The following GOLGB1 variants were observed in gnomAD, a reference collection of about 807,000 sequenced individuals.
GOLGB1 encodes the protein golgin B1.
GOLGB1 carries 174 observed loss-of-function variants against 336.9 expected under a neutral mutation model. The ratio of observed to expected loss-of-function variants is 0.52; its 90% CI spans 0.46 to 0.59. The LOEUF is 0.59. GOLGB1 is among the 20% of genes least tolerant of loss of function. GOLGB1 has a pLI of 0.00. For synonymous variants in GOLGB1, 1,208 were observed against 1,289.2 expected (o/e 0.94, Z 1.35); for missense variants, 3,331 against 3,645.3 (o/e 0.91, Z 2.22).
Position 121,694,439 on chromosome 3 carries a change from C to G in GOLGB1, c.6084G>C (p.Gln2028His). The G allele has an allele frequency of 6.2e-7, 1 of 1,613,400 alleles. No individual in the cohort carries two copies. ...LLKEKQQEVK[Q>H]LQKDCIRYQE... is the part of the protein sequence containing the mutation. ...GATACCTGATGCAGTCCTTCTGTAGCTGCTTTACTTCTTGTTGTTTTTCTT... is the reference window on the plus strand; with the variant it reads ...GATACCTGATGCAGTCCTTCTGTAGGTGCTTTACTTCTTGTTGTTTTTCTT... Residue 2028 changes from glutamine (Q) to histidine (H), a missense_variant, in exon 13 of 22, where the codon CAG (glutamine) becomes CAC (histidine). Transcript: ENST00000614479.
At chr3:121,679,980 T>C (rs1940880539) in intron 15 of GOLGB1, among the ~76,000 whole-genome samples, 1 of 152,104 alleles carries the variant, frequency 6.6e-6, no homozygotes, top group Non-Finnish European at 1.5e-5. Flanking sequence ...TCTTAACCAT[T>C]CCCCATAGTG....
In GOLGB1 at chr3:121,676,851, GGAAAAAAGAAACT is replaced by G. The variant is rs761865600; in HGVS notation, c.9177+29_9177+41del. On this transcript the variant is annotated intron_variant, in intron 17 of 21. Transcript: ENST00000614479. ...CTACTTGCCTTCTTGTTCCAGTCATGGAAAAAAGAAACTGAATTCCAGTCTAACAAGAAACACT... is the reference window on the plus strand; with the variant it reads ...CTACTTGCCTTCTTGTTCCAGTCATGGAATTCCAGTCTAACAAGAAACACT... The G allele has an allele frequency of 8.2e-5, 130 of 1,586,208 alleles. No homozygotes were observed. In the African/African-American group the frequency reaches 1.7e-3, roughly 21 times the overall value.
intron 5 of GOLGB1, among the ~76,000 whole-genome samples, chr3:121,724,048 G>C (rs953909057): frequency 6.6e-6 from 1 of 152,090 alleles, no homozygotes; most frequent in Admixed American, 6.6e-5. Context: ...ACACGCAAGA[G>C]AAAACGGACT....
At position 121,697,175 on chromosome 3, in the gene GOLGB1, G is replaced by C; in HGVS notation, c.3348C>G (p.Leu1116=). ...LQDKTNQIDL[L]QAEISENQAI... is the part of the protein sequence containing the mutation. ...CTTGGTTTTCACTGATTTCTGCTTG[G>C]AGCAAATCTATTTGGTTTGTTTTAT... The change falls in exon 13 of 22, where the codon CTC becomes CTG. Residue 1116 remains leucine (L), a synonymous_variant. Transcript: ENST00000614479. The C allele has an allele frequency of 6.2e-7, 1 of 1,613,950 alleles. No individual in the cohort carries two copies. Among genetic ancestry groups the C allele is most frequent in the South Asian group, 1.1e-5 (1 of 91,084 alleles).
At chr3:121,745,374 G>A (rs1219703660) in intron 1 of GOLGB1, among the ~76,000 whole-genome samples, 2 of 101,344 alleles carry the variant, frequency 2.0e-5, no homozygotes, top group East Asian at 2.7e-4. Flanking sequence ...ATATGTACAC[G>A]TGTATGTATA....
chr3:121,704,434 A>G (rs1943648120), intron 10 of GOLGB1, among the ~76,000 whole-genome samples: 1 of 152,192 alleles, frequency 6.6e-6, no homozygotes, highest in South Asian at 2.1e-4. Flanking sequence ...CTACTGACCA[A>G]TTGTTAGGGA....
chr3:121,740,262 C>G (rs959834049), intron 1 of GOLGB1, among the ~76,000 whole-genome samples: 5 of 152,036 alleles, frequency 3.3e-5, no homozygotes, highest in Non-Finnish European at 7.4e-5. Context: ...ATCTCAATAT[C>G]CTAATTGTGA....
chr3:121,729,551 C>T (rs1945924466), intron 3 of GOLGB1, among the ~76,000 whole-genome samples: 1 of 152,126 alleles, frequency 6.6e-6, no homozygotes, highest in African/African-American at 2.4e-5. Flanking sequence ...GCTGGGACTA[C>T]AGGTGCCCAA....
chr3:121,730,078 G>T, intron 2 of GOLGB1, 61 bp from the exon 3 acceptor site: 1 of 1,165,512 alleles, frequency 8.6e-7, no homozygotes, highest in Non-Finnish European at 1.2e-6. Context: ...CCCAACAGGA[G>T]TTTCTTCATT....
chr3:121,725,158 C>A (rs1576437689), intron 5 of GOLGB1, among the ~76,000 whole-genome samples: 1 of 152,178 alleles, frequency 6.6e-6, no homozygotes, highest in African/African-American at 2.4e-5. Flanking sequence ...CCTGCAGAGT[C>A]CCCACTAGAG....
chr3:121,733,509 C>T (rs1438845407), intron 1 of GOLGB1, among the ~76,000 whole-genome samples: 1 of 152,124 alleles, frequency 6.6e-6, no homozygotes, highest in Non-Finnish European at 1.5e-5. Context: ...AAAACATATA[C>T]ATGTATTTGA....
intron 11 of GOLGB1, among the ~76,000 whole-genome samples, chr3:121,700,236 G>A (rs1344367923): frequency 1.3e-5 from 2 of 151,980 alleles, no homozygotes; most frequent in African/African-American, 2.4e-5. Flanking sequence ...TACTATGTTT[G>A]TAATATATAT....
chr3:121,745,504 G>T (rs918850674), intron 1 of GOLGB1, among the ~76,000 whole-genome samples: 2 of 148,402 alleles, frequency 1.3e-5, no homozygotes, highest in East Asian at 2.0e-4. Flanking sequence ...ATATGTACAC[G>T]TGTATGTATA....
chr3:121,698,548 A>C lies in GOLGB1; in HGVS notation c.1975T>G (p.Leu659Val). The C allele has an allele frequency of 6.2e-7, 1 of 1,613,910 alleles. No individual in the cohort carries two copies. Among genetic ancestry groups the C allele is most frequent in the Non-Finnish European group, 8.5e-7 (1 of 1,179,872 alleles). Residue 659 changes from leucine (L) to valine (V), a missense_variant, in exon 13 of 22, where the codon TTA becomes GTA. Leu to Val is a conservative substitution (Grantham distance 32). Coordinates refer to ENST00000614479, the MANE Select transcript of GOLGB1 (RefSeq NM_001366282.2). ...TTCAATTCTACTCCAGCATCATTTA[A>C]AGATATTTCCTCAGATGTTCTACTT... Reference protein sequence around the residue: ...HQSRTSEEISLNDAGVELKST... With the variant: ...HQSRTSEEISVNDAGVELKST...
chr3:121,693,105 T>C (rs1054101094), intron 13 of GOLGB1, among the ~76,000 whole-genome samples: 4 of 152,066 alleles, frequency 2.6e-5, no homozygotes, highest in Admixed American at 6.5e-5. Flanking sequence ...TAATGTGGAC[T>C]AAAGGAAGAA....
Position 121,683,607 on chromosome 3 carries a change from A to AG in GOLGB1, c.8695-1743dup, listed in dbSNP as rs372295098. ...CCCCTTAAACATGAAGAGTACATTG[A>AG]GGATTAACCTTCACCTGAAGAATGG... On this transcript the variant is annotated intron_variant, in intron 14 of 21. Transcript: ENST00000614479. 1.1e-3 allele frequency among the ~76,000 whole-genome samples: 175 copies of AG among 152,300 alleles called. 1 individual carries two copies. Among genetic ancestry groups the AG allele is most frequent in the African/African-American group, 4.0e-3 (167 of 41,578 alleles).
intron 14 of GOLGB1, among the ~76,000 whole-genome samples, chr3:121,686,151 G>A (rs983199163): frequency 1.3e-5 from 2 of 152,198 alleles, no homozygotes; most frequent in Admixed American, 1.3e-4. Flanking sequence ...ACTGCACAGT[G>A]TTCTCTTTAT....
rs1282360034 is a variant in GOLGB1 at position 121,667,584 on chromosome 3, C to G, written c.9446G>C (p.Cys3149Ser). 4 of 1,613,920 alleles carry G rather than the reference C, an allele frequency of 2.5e-6. No individual in the cohort carries two copies. Among genetic ancestry groups the G allele is most frequent in the Middle Eastern group, 1.6e-4 (1 of 6,062 alleles). The change falls in exon 20 of 22, where the codon TGC becomes TCC. Residue 3149 changes from cysteine to serine, a missense_variant. By Grantham distance (112) the Cys-to-Ser change is moderately radical. Transcript: ENST00000614479. Reference sequence around the variant, plus strand: ...TTCATTCACTTCCTGTCTGGTGTTGCATAGCTGCTGCTGAGCTTCAGAAAA... The same window carrying G: ...TTCATTCACTTCCTGTCTGGTGTTGGATAGCTGCTGCTGAGCTTCAGAAAA... ...QSFSEAQQQL[C>S]NTRQEVNELR...
At chr3:121,738,902 T>A (rs1032297792) in intron 1 of GOLGB1, among the ~76,000 whole-genome samples, 1 of 152,122 alleles carries the variant, frequency 6.6e-6, no homozygotes, top group Non-Finnish European at 1.5e-5. Flanking sequence ...GAGGAAACCT[T>A]ATCAAGTTAG....
Sources: allele counts gnomAD v4.1 joint callset (sites outside exome capture counted in the v4.1 genomes callset), GRCh38; gene constraint gnomAD v4.1.1; transcripts MANE v1.5; gene names NCBI Gene and HGNC (gene_info 2026-07-23, HGNC 2026-07-21).